Variants in CNKSR2 observed in about 807,000 individuals in gnomAD.
The protein encoded by CNKSR2 is CNK homolog protein 2.
Under a neutral mutation model 84.4 loss-of-function variants are expected in CNKSR2, and 14 were observed. The observed-to-expected ratio is 0.17, with a 90% CI of 0.11 to 0.26. The LOEUF (loss-of-function observed/expected upper bound fraction) is 0.26. CNKSR2 is among the 10% of genes least tolerant of loss of function. The pLI is 1.00. For synonymous variants in CNKSR2, 275 were observed against 277.9 expected (o/e 0.99, Z 0.10); for missense variants, 485 against 771.2 (o/e 0.63, Z 4.40).
chrX:21,438,188 A>G (rs1427878441), intron 3 of CNKSR2, among the ~76,000 whole-genome samples: 1 of 111,957 alleles, frequency 8.9e-6, no homozygotes, highest in Non-Finnish European at 1.9e-5. Context: ...CCTAAACTAT[A>G]TGGTATAGCC....
chrX:21,438,820 C>G (rs748573298), intron 3 of CNKSR2, among the ~76,000 whole-genome samples: 22 of 110,620 alleles, frequency 2.0e-4, no homozygotes, highest in Middle Eastern at 4.7e-3. Flanking sequence ...TGTGAATATT[C>G]ATATTGATAA....
At chrX:21,432,869 A>G (rs2090655148) in intron 3 of CNKSR2, 55 bp downstream of exon 3, 3 of 1,130,054 alleles carry the variant, frequency 2.7e-6, no homozygotes, top group South Asian at 3.8e-5. Context: ...CAGTTTGAAT[A>G]TAACATTATT....
At chrX:21,481,339 T>C (rs998469955) in intron 5 of CNKSR2, among the ~76,000 whole-genome samples, 2 of 111,849 alleles carry the variant, frequency 1.8e-5, no homozygotes, top group Non-Finnish European at 3.8e-5. Context: ...CACTATACTA[T>C]AGCTGACTCT....
chrX:21,425,810 A>G (rs754679639), intron 1 of CNKSR2: 3 of 111,747 alleles, frequency 2.7e-5, no homozygotes, highest in Non-Finnish European at 3.8e-5. Context: ...CCTGATTTCT[A>G]CTTTTGGATT....
At chrX:21,462,407 G>A (rs2091072582) in intron 4 of CNKSR2, among the ~76,000 whole-genome samples, 1 of 111,736 alleles carries the variant, frequency 8.9e-6, no homozygotes, top group Non-Finnish European at 1.9e-5. Flanking sequence ...GACTAAACTT[G>A]ATCATCAATT....
intron 5 of CNKSR2, among the ~76,000 whole-genome samples, chrX:21,489,760 AT>A: frequency 8.9e-6 from 1 of 112,188 alleles, no homozygotes; most frequent in Non-Finnish European, 1.9e-5. Flanking sequence ...TTCAACTAAT[AT>A]TTATTGAATG....
At chrX:21,492,762 G>A (rs1406804531) in intron 6 of CNKSR2, 2 of 111,654 alleles carry the variant, frequency 1.8e-5, no homozygotes, top group South Asian at 3.7e-4. Flanking sequence ...TTTGTGATTC[G>A]TATCAAAGGG....
At chrX:21,548,038 C>T (rs973673123) in intron 11 of CNKSR2, among the ~76,000 whole-genome samples, 1 of 111,677 alleles carries the variant, frequency 9.0e-6, no homozygotes, top group Non-Finnish European at 1.9e-5. Flanking sequence ...CAAGAGCAAA[C>T]ACATTCAAAA....
At chrX:21,580,003 A>C (rs757811779) in intron 13 of CNKSR2, among the ~76,000 whole-genome samples, 3 of 112,203 alleles carry the variant, frequency 2.7e-5, no homozygotes, top group African/African-American at 6.5e-5. Context: ...GAGGACTATG[A>C]AAAATGCCAT....
At chrX:21,647,960 G>A (rs986356289) in intron 20 of CNKSR2, among the ~76,000 whole-genome samples, 1 of 111,375 alleles carries the variant, frequency 9.0e-6, no homozygotes, top group East Asian at 2.8e-4. Context: ...AGAAAGATAC[G>A]ACATTAGTGT....
intron 9 of CNKSR2, among the ~76,000 whole-genome samples, chrX:21,524,247 A>G (rs756306912): frequency 1.8e-5 from 2 of 111,238 alleles, no homozygotes; most frequent in South Asian, 7.4e-4. Context: ...ACCAGTCAAT[A>G]AAATAACAAG....
chrX:21,454,020 G>A (rs1321962894), intron 4 of CNKSR2, among the ~76,000 whole-genome samples: 1 of 111,726 alleles, frequency 9.0e-6, no homozygotes, highest in African/African-American at 3.3e-5. Context: ...GGGGACACAA[G>A]TCCAAACCAT....
intron 1 of CNKSR2, among the ~76,000 whole-genome samples, chrX:21,394,654 T>C (rs1274576930): frequency 9.0e-6 from 1 of 111,628 alleles, no homozygotes; most frequent in East Asian, 2.8e-4. Context: ...GTAAACCGTG[T>C]ATATCACAGT....
chrX:21,633,024 CAT>C (rs1365730546), intron 20 of CNKSR2, among the ~76,000 whole-genome samples: 37 of 109,527 alleles, frequency 3.4e-4, no homozygotes, highest in Middle Eastern at 4.7e-3. Flanking sequence ...CACACACACA[CAT>C]ACAGATTAGT....
intron 10 of CNKSR2, among the ~76,000 whole-genome samples, chrX:21,528,271 G>A (rs181975393): frequency 1.8e-5 from 2 of 111,165 alleles, no homozygotes. Context: ...GAGGAACAAT[G>A]AAAGTATGTG....
At chrX:21,440,157 T>C (rs2090765439) in intron 3 of CNKSR2, among the ~76,000 whole-genome samples, 1 of 111,507 alleles carries the variant, frequency 9.0e-6, no homozygotes, top group African/African-American at 3.2e-5. Flanking sequence ...TTCTCTACCT[T>C]ATGCTTCTCC....
At chrX:21,591,812 T>C (rs2092422658) in intron 15 of CNKSR2, 1 of 111,609 alleles carries the variant, frequency 9.0e-6, no homozygotes, top group African/African-American at 3.3e-5. Context: ...ACTTATTACG[T>C]ATCTTGACAG....
chrX:21,375,088 C>A, intron 1 of CNKSR2, 127 bp downstream of exon 1: 1 of 584,519 alleles, frequency 1.7e-6, no homozygotes, highest in South Asian at 2.5e-5. Context: ...TCGTACGCGT[C>A]GGGGCGGGGG....
intron 1 of CNKSR2, among the ~76,000 whole-genome samples, chrX:21,391,056 G>T (rs1009341847): frequency 8.9e-5 from 10 of 112,691 alleles, no homozygotes; most frequent in African/African-American, 2.9e-4. Context: ...CTGATGCAAG[G>T]GGTGGGTTCC....
Sources: gnomAD v4.1 joint callset for allele counts (sites outside exome capture counted in the v4.1 genomes callset) on GRCh38, gnomAD v4.1.1 for gene constraint, MANE v1.5 for transcripts, NCBI Gene and HGNC (gene_info 2026-07-23, HGNC 2026-07-21) for gene names.